Variants in TSPAN18 observed in about 807,000 individuals in gnomAD.
TSPAN18 encodes the protein tetraspanin-18.
A neutral mutation model predicts 27.3 loss-of-function variants in TSPAN18; 14 were observed. The ratio of observed to expected loss-of-function variants is 0.51; its 90% confidence interval spans 0.34 to 0.80. TSPAN18 has a LOEUF of 0.80. Ranked by LOEUF, TSPAN18 falls within the 30% of genes least tolerant of loss-of-function variation. The probability of loss-of-function intolerance (pLI) is 0.01; values close to 1 mark genes in which losing one functional copy is unlikely to be tolerated. For missense variants in TSPAN18, 268 were observed against 323.9 expected, an observed-to-expected ratio of 0.83 and a Z score of 1.32; for synonymous variants, 143 against 136.5, an observed-to-expected ratio of 1.05 and a Z score of -0.33.
intron 3 of TSPAN18, among the ~76,000 whole-genome samples, chr11:44,861,612 T>C (rs1307042786): frequency 1.3e-5 from 2 of 151,620 alleles, no homozygotes; most frequent in African/African-American, 4.9e-5. Flanking sequence ...GAGAAAGGAA[T>C]GCTGGGCAGA....
intron 3 of TSPAN18, among the ~76,000 whole-genome samples, chr11:44,880,292 A>G (rs1858454075): frequency 2.0e-5 from 3 of 152,236 alleles, no homozygotes; most frequent in African/African-American, 7.2e-5. Context: ...CCTTGGTGCC[A>G]GGTCCCATAC....
At chr11:44,840,868 T>C (rs997568031) in intron 2 of TSPAN18, among the ~76,000 whole-genome samples, 2 of 152,210 alleles carry the variant, frequency 1.3e-5, no homozygotes, top group Non-Finnish European at 2.9e-5. Flanking sequence ...TACTGCTATA[T>C]GACCATGGGT....
intron 8 of TSPAN18, among the ~76,000 whole-genome samples, chr11:44,920,838 A>G (rs1389403026): frequency 6.6e-6 from 1 of 152,220 alleles, no homozygotes; most frequent in African/African-American, 2.4e-5. Context: ...GAGGCTCACG[A>G]TCTCATTAGA....
intron 3 of TSPAN18, among the ~76,000 whole-genome samples, chr11:44,864,125 A>G (rs1857969547): frequency 6.6e-6 from 1 of 151,908 alleles, no homozygotes; most frequent in Non-Finnish European, 1.5e-5. Flanking sequence ...CGTCTCTACT[A>G]AAAATACAAA....
chr11:44,754,916 A>G (rs1855297106), intron 1 of TSPAN18, among the ~76,000 whole-genome samples: 1 of 152,200 alleles, frequency 6.6e-6, no homozygotes, highest in African/African-American at 2.4e-5. Flanking sequence ...CACAGGCTAC[A>G]CATGCTCTTT....
intron 2 of TSPAN18, among the ~76,000 whole-genome samples, chr11:44,835,554 G>T (rs539488673): frequency 2.6e-5 from 4 of 151,752 alleles, no homozygotes; most frequent in African/African-American, 9.7e-5. Flanking sequence ...TGCTGAGACA[G>T]CGATCTGCAA....
intron 1 of TSPAN18, among the ~76,000 whole-genome samples, chr11:44,729,035 G>C (rs1425256049): frequency 6.6e-6 from 1 of 152,212 alleles, no homozygotes; most frequent in Non-Finnish European, 1.5e-5. Context: ...GGGGGAAATG[G>C]GGGTCCCTGA....
intron 2 of TSPAN18, among the ~76,000 whole-genome samples, chr11:44,815,591 A>G (rs1405225528): frequency 1.3e-5 from 2 of 152,128 alleles, no homozygotes; most frequent in African/African-American, 4.8e-5. Flanking sequence ...TTGAGCACCT[A>G]CCCTGTGCTG....
chr11:44,752,509 T>C (rs1855235337), intron 1 of TSPAN18, among the ~76,000 whole-genome samples: 1 of 152,232 alleles, frequency 6.6e-6, no homozygotes, highest in Admixed American at 6.5e-5. Context: ...TGAATCACAA[T>C]AAAAACAAAT....
At chr11:44,890,606 C>G (rs1265876405) in intron 3 of TSPAN18, among the ~76,000 whole-genome samples, 1 of 151,986 alleles carries the variant, frequency 6.6e-6, no homozygotes, top group Non-Finnish European at 1.5e-5. Flanking sequence ...GCCTGTAGTC[C>G]CAGCTACTCG....
intron 3 of TSPAN18, among the ~76,000 whole-genome samples, chr11:44,879,688 G>A (rs1463344899): frequency 6.6e-6 from 1 of 152,228 alleles, no homozygotes; most frequent in Non-Finnish European, 1.5e-5. Context: ...AACAAGGCAG[G>A]GCCAGGTCAC....
At chr11:44,903,791 CTTCCAAGCTGGATTGCCTGGG>C (rs1302966773) in intron 3 of TSPAN18, 1 of 431,624 alleles carries the variant, frequency 2.3e-6, no homozygotes, top group Non-Finnish European at 4.7e-6. Context: ...ATCCTTTGTC[CTTCCAAGCTGGATTGCCTGGG>C]TTCCAATCTT....
At chr11:44,864,690 A>C (rs941502088) in intron 3 of TSPAN18, among the ~76,000 whole-genome samples, 11 of 152,256 alleles carry the variant, frequency 7.2e-5, no homozygotes, top group Non-Finnish European at 1.2e-4. Flanking sequence ...GTTCAGCATC[A>C]GGAAAACTAA....
At chr11:44,899,989 A>G (rs1370907011) in intron 3 of TSPAN18, among the ~76,000 whole-genome samples, 1 of 152,186 alleles carries the variant, frequency 6.6e-6, no homozygotes. Flanking sequence ...CTTGGACCTC[A>G]TAGTCTCAAT....
At chr11:44,917,749 T>C (rs1172144811) in intron 5 of TSPAN18, 4 of 583,048 alleles carry the variant, frequency 6.9e-6, no homozygotes, top group African/African-American at 5.6e-5. Context: ...GGAAGGTATA[T>C]ATTTGTTTAT....
intron 7 of TSPAN18, chr11:44,919,591 C>G: frequency 1.6e-6 from 1 of 612,052 alleles, no homozygotes; most frequent in South Asian, 1.9e-5. Context: ...GGCTAAGCGC[C>G]TGGTGAGGTA....
At chr11:44,832,451 G>A (rs60375369) in intron 2 of TSPAN18, among the ~76,000 whole-genome samples, 9,496 of 152,056 alleles carry the variant, frequency 0.062, 1,456 homozygotes, top group East Asian at 0.57. Flanking sequence ...TCCCTCCCCA[G>A]CCCAGTTTCT....
At chr11:44,810,599 T>C (rs978804959) in intron 2 of TSPAN18, among the ~76,000 whole-genome samples, 6 of 141,456 alleles carry the variant, frequency 4.2e-5, no homozygotes, top group African/African-American at 1.5e-4. Flanking sequence ...TTTTCAATTT[T>C]TTTTCTTTTT....
intron 2 of TSPAN18, among the ~76,000 whole-genome samples, chr11:44,782,321 A>T (rs1009770304): frequency 1.3e-5 from 2 of 152,060 alleles, no homozygotes; most frequent in African/African-American, 4.8e-5. Context: ...TCAAGGGAGG[A>T]TCATGAGGTC....
Sources: allele counts gnomAD v4.1 joint callset (sites outside exome capture counted in the v4.1 genomes callset), GRCh38; gene constraint gnomAD v4.1.1; transcripts MANE v1.5; gene names NCBI Gene and HGNC (gene_info 2026-07-23, HGNC 2026-07-21).